Variants in TEAD3 observed in about 807,000 individuals in gnomAD.
The protein encoded by TEAD3 is transcriptional enhancer factor TEF-5.
A neutral mutation model predicts 55.6 loss-of-function variants in TEAD3; 15 were observed. That is an observed-to-expected ratio of 0.27 (90% confidence interval 0.18 to 0.42). The LOEUF is 0.42. TEAD3 is among the 10% of genes least tolerant of loss of function. The pLI, the probability that TEAD3 is intolerant of heterozygous loss-of-function variation, is 1.00. For missense variants in TEAD3, 407 were observed against 576.8 expected (o/e 0.71, Z 3.01); for synonymous variants, 210 against 232.2 (o/e 0.90, Z 0.87).
chr6:35,495,955 G>A (rs1016989888), intron 1 of TEAD3, among the ~76,000 whole-genome samples: 6 of 152,120 alleles, frequency 3.9e-5, no homozygotes, highest in African/African-American at 7.2e-5. Flanking sequence ...CTTCCCCCTC[G>A]CACTGAAAGA....
chr6:35,486,329 G>A lies in TEAD3; in HGVS notation c.202+132C>T. 1 of 1,093,024 alleles carries A rather than the reference G, an allele frequency of 9.1e-7. No individual in the cohort carries two copies. The highest frequency in any genetic ancestry group is 1.3e-6 in the Non-Finnish European group (1 of 774,232). 67.7% of individuals were successfully genotyped at this position (1,093,024 alleles called of 1,614,324 possible). ...GAGGAGGAGCGCGGAGGAGGATCCA[G>A]ACACACAGGCTTGCGCGCCCAGACT... On this transcript the variant is annotated intron_variant, in intron 2 of 12. Coordinates refer to ENST00000639578, the Ensembl canonical transcript of TEAD3. This position sits in a 1 kb window ranked among gnomAD's most constrained non-coding sequence, Gnocchi z 7.3.
chr6:35,478,181 C>T (rs1768191741), intron 7 of TEAD3, 94 bp downstream of exon 7: 1 of 1,487,352 alleles, frequency 6.7e-7, no homozygotes, highest in Non-Finnish European at 9.2e-7. Context: ...TGAATTAAAA[C>T]TTTGCTCAGC....
chr6:35,494,959 C>A (rs1169245333), intron 1 of TEAD3, among the ~76,000 whole-genome samples: 1 of 152,008 alleles, frequency 6.6e-6, no homozygotes, highest in African/African-American at 2.4e-5. Flanking sequence ...CTTTGGGCCA[C>A]TGGATCACCC....
chr6:35,476,471 G>T, intron 8 of TEAD3, 36 bp from the exon 9 acceptor site: 1 of 1,604,504 alleles, frequency 6.2e-7, no homozygotes. Context: ...CTGCATGGAT[G>T]CATGCAGGTG....
At position 35,491,697 on chromosome 6, in the gene TEAD3, G is replaced by A. The variant is rs563919576; in HGVS notation, c.-49-4986C>T. Among the ~76,000 whole-genome samples, 10 of 152,320 alleles carry A rather than the reference G, an allele frequency of 6.6e-5. No individual in the cohort carries two copies. Among genetic ancestry groups the A allele is most frequent in the African/African-American group, 2.2e-4 (9 of 41,572 alleles). ...ACCCTCATCCTGACCAGCCACACCC[G>A]CTTCCCCTCTCCCAGGGCCCTCAGC... On this transcript the variant is annotated intron_variant, in intron 1 of 12. Coordinates refer to ENST00000639578, the Ensembl canonical transcript of TEAD3. The surrounding 1 kb of genome is among the most constrained non-coding windows in gnomAD (Gnocchi z 4.4).
At position 35,488,361 on chromosome 6, in the gene TEAD3, A is replaced by C. The variant is rs1324334205; in HGVS notation, c.-49-1650T>G. ...AGGCTATTAATTTGGACCACACCCCACCAGGCCCCCTATCACTCACAACCC... is the reference window on the plus strand; with the variant it reads ...AGGCTATTAATTTGGACCACACCCCCCCAGGCCCCCTATCACTCACAACCC... On this transcript the variant is annotated intron_variant, in intron 1 of 12. Coordinates refer to ENST00000639578, the Ensembl canonical transcript of TEAD3. This position sits in a 1 kb window ranked among gnomAD's most constrained non-coding sequence, Gnocchi z 4.2. 6.6e-6 allele frequency among the ~76,000 whole-genome samples: 1 copy of C among 151,822 alleles called. No individual in the cohort carries two copies. The highest frequency in any genetic ancestry group is 1.5e-5 in the Non-Finnish European group (1 of 67,982).
chr6:35,479,474 G>A (rs1768224016), intron 4 of TEAD3, among the ~76,000 whole-genome samples, 158 bp from the exon 5 acceptor site: 1 of 152,232 alleles, frequency 6.6e-6, no homozygotes, highest in South Asian at 2.1e-4. Context: ...CCCACAGAGG[G>A]AGTGCCTGCC....
chr6:35,477,925 G>A (rs370142442), intron 7 of TEAD3, among the ~76,000 whole-genome samples: 1 of 151,642 alleles, frequency 6.6e-6, no homozygotes, highest in Non-Finnish European at 1.5e-5. Flanking sequence ...ACTACAGCCT[G>A]GAACTCTGGA....
At chr6:35,492,116 G>T (rs1300186054) in intron 1 of TEAD3, among the ~76,000 whole-genome samples, 1 of 152,220 alleles carries the variant, frequency 6.6e-6, no homozygotes, top group East Asian at 1.9e-4. Flanking sequence ...CTAGCAGCCA[G>T]CAGTCCACCC....
chr6:35,496,638 G>T lies in TEAD3; in HGVS notation c.-50+260C>A, dbSNP rs1001022953. On this transcript the variant is annotated intron_variant, in intron 1 of 12. Coordinates refer to ENST00000639578, the Ensembl canonical transcript of TEAD3. The surrounding 1 kb of genome is among the most constrained non-coding windows in gnomAD (Gnocchi z 4.8). ...GGACAGGCGACGGCACAGGGGACAC[G>T]GTCTCCCCGGCTTCCCCACCTTCCC... Among the ~76,000 whole-genome samples, 6 of 152,278 alleles carry T rather than the reference G, an allele frequency of 3.9e-5. No individual in the cohort carries two copies. In the East Asian group the frequency reaches 1.2e-3, roughly 29 times the overall value.
chr6:35,487,730 A>AC (rs1025077989), intron 1 of TEAD3, among the ~76,000 whole-genome samples: 1 of 152,006 alleles, frequency 6.6e-6, no homozygotes, highest in African/African-American at 2.4e-5. Flanking sequence ...TCAAAAAAAA[A>AC]CAAAACAAAA....
chr6:35,474,877 C>T (rs1283573902), downstream of TEAD3: 2 of 607,116 alleles, frequency 3.3e-6, no homozygotes, highest in Non-Finnish European at 5.8e-6. Flanking sequence ...AAGCGCAGAA[C>T]AGTGGCAGGG....
intron 1 of TEAD3, among the ~76,000 whole-genome samples, chr6:35,494,453 A>AGGAGG (rs1385573616): frequency 6.6e-6 from 1 of 152,096 alleles, no homozygotes; most frequent in Non-Finnish European, 1.5e-5. Context: ...GCACAACACC[A>AGGAGG]GGAGGGGAGG....
At position 35,486,344 on chromosome 6, in the gene TEAD3, G is replaced by C; in HGVS notation, c.202+117C>G. On this transcript the variant is annotated intron_variant, in intron 2 of 12. Coordinates refer to ENST00000639578, the Ensembl canonical transcript of TEAD3. The surrounding 1 kb of genome is among the most constrained non-coding windows in gnomAD (Gnocchi z 7.3). ...GGAGGATCCAGACACACAGGCTTGC[G>C]CGCCCAGACTCGCCCGGCCAGCGGC... The C allele has an allele frequency of 1.6e-6, 2 of 1,219,266 alleles. No individual in the cohort carries two copies. The highest frequency in any genetic ancestry group is 1.5e-5 in the South Asian group (1 of 67,008). 75.5% of individuals were successfully genotyped at this position (1,219,266 alleles called of 1,614,324 possible).
At position 35,491,229 on chromosome 6, in the gene TEAD3, C is replaced by A. The variant is rs1248307287; in HGVS notation, c.-49-4518G>T. On this transcript the variant is annotated intron_variant, in intron 1 of 12. Coordinates refer to ENST00000639578, the Ensembl canonical transcript of TEAD3. This position sits in a 1 kb window ranked among gnomAD's most constrained non-coding sequence, Gnocchi z 4.4. ...GGAGGCAGGGCGGGGGAGTGCTGGACCCTCAGACCCACAGACTGACAGACA... is the reference window on the plus strand; with the variant it reads ...GGAGGCAGGGCGGGGGAGTGCTGGAACCTCAGACCCACAGACTGACAGACA... 2.0e-5 allele frequency among the ~76,000 whole-genome samples: 3 copies of A among 150,852 alleles called. No individual in the cohort carries two copies. Among genetic ancestry groups the A allele is most frequent in the Non-Finnish European group, 4.4e-5 (3 of 67,736 alleles).
intron 1 of TEAD3, among the ~76,000 whole-genome samples, chr6:35,494,828 C>T (rs1200617032): frequency 6.6e-6 from 1 of 152,086 alleles, no homozygotes; most frequent in East Asian, 1.9e-4. Context: ...ACTTCAGAGG[C>T]AAGATCCCCC....
chr6:35,476,216 C>T, intron 9 of TEAD3, 86 bp downstream of exon 9: 1 of 1,560,388 alleles, frequency 6.4e-7, no homozygotes. Flanking sequence ...ACCCCCAACC[C>T]CCAGATCCTG....
In TEAD3 at chr6:35,486,699, T is replaced by TGGGC. The variant is rs1561806579; in HGVS notation, c.-41_-38dup. 1 of 1,598,090 alleles carries TGGGC rather than the reference T, an allele frequency of 6.3e-7. No individual in the cohort carries two copies. Among genetic ancestry groups the TGGGC allele is most frequent in the Non-Finnish European group, 8.5e-7 (1 of 1,171,040 alleles). The stretch of plus-strand genomic sequence containing the variant: ...CTCTGGGCTCTGGGCCTGAGCCCAC[T>TGGGC]GGGCGGCTGAGCCTGGGGGACAGAC... On this transcript the variant is annotated 5_prime_UTR_variant, in exon 2 of 13. Transcript: ENST00000639578. This position sits in a 1 kb window ranked among gnomAD's most constrained non-coding sequence, Gnocchi z 7.3.
intron 1 of TEAD3, among the ~76,000 whole-genome samples, chr6:35,494,766 A>G (rs1034694189): frequency 7.2e-5 from 11 of 152,016 alleles, no homozygotes; most frequent in Non-Finnish European, 1.6e-4. Flanking sequence ...GAGCCACCCA[A>G]GCGGCCTCTG....
Sources: gnomAD v4.1 joint callset for allele counts (sites outside exome capture counted in the v4.1 genomes callset) on GRCh38, gnomAD v4.1.1 for gene constraint, Gnocchi (gnomAD v3.1) non-coding constraint, MANE v1.5 for transcripts, NCBI Gene and HGNC (gene_info 2026-07-23, HGNC 2026-07-21) for gene names.